RBBP4: variants seen among roughly 807,000 people sequenced by gnomAD.
RBBP4 encodes the protein histone-binding protein RBBP4.
In RBBP4, 3 loss-of-function variants were observed where a neutral mutation model predicts 57.2. The observed-to-expected ratio is 0.05, with a 90% confidence interval of 0.02 to 0.14. The LOEUF (loss-of-function observed/expected upper bound fraction) is 0.14, where lower values mean the gene tolerates loss of function less well. Among genes scored for constraint, RBBP4 ranks in the 10% least tolerant of loss-of-function variants. The probability of loss-of-function intolerance (pLI) is 1.00; values close to 1 mark genes in which losing one functional copy is unlikely to be tolerated. For synonymous variants in RBBP4, 151 were observed against 171.5 expected, an observed-to-expected ratio of 0.88 and a Z score of 0.93; for missense variants, 107 against 520.6, an observed-to-expected ratio of 0.21 and a Z score of 7.73.
At position 32,684,648 on chromosome 1, in the gene RBBP4, A is replaced by G. The variant is rs560341325; in HGVS notation, c.*4943A>G. The G allele has an allele frequency of 4.7e-6, 2 of 421,322 alleles. No individual in the cohort carries two copies. Among genetic ancestry groups the G allele is most frequent in the East Asian group, 4.9e-5 (1 of 20,328 alleles). The allele number at this position is 421,322 out of a possible 1,614,324, so 26.1% of individuals were successfully genotyped here. A position where few individuals can be genotyped will look rare whatever the true frequency, so the allele number is the denominator to read the frequency against. On this transcript the variant is annotated 3_prime_UTR_variant, in exon 12 of 12. Coordinates refer to ENST00000373493, the MANE Select transcript of RBBP4 (RefSeq NM_005610.3). ...ATAGAATCCTGGGAGGGTGATTGGG[A>G]CTTTTTAGTATTACAACCTTAGTGT...
chr1:32,669,615 G>A lies in RBBP4; in HGVS notation c.966+52G>A, dbSNP rs1570859472. On this transcript the variant is annotated intron_variant, in intron 8 of 11. Transcript: ENST00000373493. The surrounding 1 kb of genome is among the most constrained non-coding windows in gnomAD (Gnocchi z 4.9). ...GTTTGTTTTAAGAAAAACCTGCTGG[G>A]CGCGGTCGCTCACGCCTGTAATCCC... 3.2e-6 allele frequency: 5 copies of A among 1,566,842 alleles called. No homozygotes were observed. The East Asian group carries it at 1.1e-4, about 35-fold the overall frequency.
intron 4 of RBBP4, 84 bp downstream of exon 4, chr1:32,668,482 C>A: frequency 1.5e-6 from 2 of 1,324,186 alleles, no homozygotes; most frequent in Non-Finnish European, 2.1e-6. Flanking sequence ...TTGCATGTTA[C>A]TCTGTGTAAT....
At chr1:32,673,128 C>G (rs1648943697) in intron 11 of RBBP4, among the ~76,000 whole-genome samples, 1 of 152,090 alleles carries the variant, frequency 6.6e-6, no homozygotes, top group Non-Finnish European at 1.5e-5. Flanking sequence ...CTCTCTCCCA[C>G]TTCTCCTTTT....
chr1:32,671,714 C>T (rs1200021557), intron 8 of RBBP4, among the ~76,000 whole-genome samples: 2 of 149,430 alleles, frequency 1.3e-5, no homozygotes, highest in Non-Finnish European at 1.5e-5. Flanking sequence ...TTGATACCAG[C>T]CTAACCCCAT....
Position 32,683,245 on chromosome 1 carries a change from A to G in RBBP4, c.*3540A>G, listed in dbSNP as rs1649565962. 7.0e-6 allele frequency: 1 copy of G among 142,588 alleles called. No homozygotes were observed. Among genetic ancestry groups the G allele is most frequent in the Admixed American group, 7.4e-5 (1 of 13,522 alleles). The allele number at this position is 142,588 out of a possible 1,614,324, so 8.8% of individuals were successfully genotyped here. A position where few individuals can be genotyped will look rare whatever the true frequency, so the allele number is the denominator to read the frequency against. ...CACGCCACTGCACTCCAGCCTGGCA[A>G]CAGAGCAAGACTCCGTCTCAAAAAA... is the stretch of plus-strand genomic sequence containing the variant. On this transcript the variant is annotated 3_prime_UTR_variant, in exon 12 of 12. Coordinates refer to ENST00000373493, the MANE Select transcript of RBBP4 (RefSeq NM_005610.3).
At chr1:32,653,872 A>T (rs1648020186) in intron 2 of RBBP4, among the ~76,000 whole-genome samples, 1 of 151,512 alleles carries the variant, frequency 6.6e-6, no homozygotes, top group African/African-American at 2.4e-5. Flanking sequence ...GTTAGCCAGG[A>T]TGGTCTCAAT....
chr1:32,668,135 GA>G (rs1230615110), intron 3 of RBBP4, 89 bp from the exon 4 acceptor site: 25 of 1,261,014 alleles, frequency 2.0e-5, no homozygotes, highest in Admixed American at 5.4e-5. Flanking sequence ...TGTTGCTAAG[GA>G]AAAAAAATCC....
At chr1:32,653,379 T>C (rs1438941299) in intron 2 of RBBP4, among the ~76,000 whole-genome samples, 1 of 152,190 alleles carries the variant, frequency 6.6e-6, no homozygotes, top group Non-Finnish European at 1.5e-5. Flanking sequence ...TCAAAAGCGA[T>C]TGTATGCTAA....
At position 32,672,432 on chromosome 1, in the gene RBBP4, C is replaced by T. The variant is rs769038505; in HGVS notation, c.967-18C>T. ...TTCTAATTCATGGCTTTGCTCTTTT[C>T]TTCATTCCTATGTGTAGGTTCAGTG... On this transcript the variant is annotated intron_variant, in intron 8 of 11. Coordinates refer to ENST00000373493, the MANE Select transcript of RBBP4 (RefSeq NM_005610.3). The T allele has an allele frequency of 6.5e-7, 1 of 1,546,876 alleles. No individual in the cohort carries two copies. Among genetic ancestry groups the T allele is most frequent in the South Asian group, 1.2e-5 (1 of 84,080 alleles).
intron 11 of RBBP4, among the ~76,000 whole-genome samples, chr1:32,679,212 G>A (rs1393196171): frequency 1.3e-5 from 2 of 152,160 alleles, no homozygotes; most frequent in African/African-American, 4.8e-5. Flanking sequence ...CAGGAGAATT[G>A]CTTGAACCTG....
chr1:32,662,548 G>C (rs1648469921), intron 3 of RBBP4, among the ~76,000 whole-genome samples: 1 of 151,544 alleles, frequency 6.6e-6, no homozygotes. Context: ...GGCTAATTTT[G>C]TATTTTTTGT....
chr1:32,678,941 G>A (rs1764897), intron 11 of RBBP4, among the ~76,000 whole-genome samples: 125,960 of 152,008 alleles, frequency 0.83, 54,683 homozygotes, highest in Non-Finnish European at 0.96. Context: ...TGGATATACC[G>A]TGTATCCATT....
chr1:32,651,672 C>T (rs1041541206), intron 1 of RBBP4: 3 of 731,932 alleles, frequency 4.1e-6, no homozygotes, highest in South Asian at 2.3e-5. Context: ...TCGGCGCGCA[C>T]GAGCGTGCTC....
chr1:32,658,508 A>G (rs1648242743), intron 3 of RBBP4, among the ~76,000 whole-genome samples: 1 of 151,796 alleles, frequency 6.6e-6, no homozygotes. Flanking sequence ...TTTAGGCCAT[A>G]ACCTAAGGGT....
chr1:32,680,434 G>A lies in RBBP4; in HGVS notation c.*729G>A. 1 of 1,459,546 alleles carries A rather than the reference G, an allele frequency of 6.9e-7. No homozygotes were observed. Among genetic ancestry groups the A allele is most frequent in the East Asian group, 2.8e-5 (1 of 36,008 alleles). The allele number at this position is 1,459,546 out of a possible 1,614,324, so 90.4% of individuals were successfully genotyped here. A position where few individuals can be genotyped will look rare whatever the true frequency, so the allele number is the denominator to read the frequency against. ...TTTTTACCTGACAGTTATACCACAG[G>A]TAGACTGTCAAGTTGAGAAGAGTGA... On this transcript the variant is annotated 3_prime_UTR_variant, in exon 12 of 12. Transcript: ENST00000373493.
intron 8 of RBBP4, among the ~76,000 whole-genome samples, chr1:32,670,997 A>G (rs1648851723): frequency 6.6e-6 from 1 of 152,140 alleles, no homozygotes; most frequent in African/African-American, 2.4e-5. Flanking sequence ...ACAGAATCCA[A>G]ATTCTTCCTT....
Position 32,669,115 on chromosome 1 carries a change from T to C in RBBP4, c.744T>C (p.Asp248=). The change falls in exon 6 of 12, where the codon GAT becomes GAC. Residue 248 remains aspartate, a synonymous_variant. Transcript: ENST00000373493. The surrounding 1 kb of genome is among the most constrained non-coding windows in gnomAD (Gnocchi z 4.9). ...LHESLFGSVA[D]DQKLMIWDTR... ...AGTCTCTGTTTGGGTCAGTTGCTGA[T>C]GATCAGAAACTTATGATGTGAGTAG... The C allele has an allele frequency of 2.5e-6, 4 of 1,614,216 alleles. No homozygotes were observed. Among genetic ancestry groups the C allele is most frequent in the South Asian group, 1.1e-5 (1 of 91,088 alleles).
Position 32,683,414 on chromosome 1 carries a change from T to A in RBBP4, c.*3709T>A, listed in dbSNP as rs1319863967. The A allele has an allele frequency of 6.6e-6, 1 of 152,254 alleles. No homozygotes were observed. Among genetic ancestry groups the A allele is most frequent in the African/African-American group, 2.4e-5 (1 of 41,436 alleles). 9.4% of individuals were successfully genotyped at this position (152,254 alleles called of 1,614,324 possible). A position where few individuals can be genotyped will look rare whatever the true frequency, so the allele number is the denominator to read the frequency against. Reference sequence around the variant, plus strand: ...AGCACAACTGCTTTCTCTGCTATTATAAGGAAAACTGAGAATAGCAGGTGG... The same window carrying A: ...AGCACAACTGCTTTCTCTGCTATTAAAAGGAAAACTGAGAATAGCAGGTGG... On this transcript the variant is annotated 3_prime_UTR_variant, in exon 12 of 12. Transcript: ENST00000373493.
intron 3 of RBBP4, among the ~76,000 whole-genome samples, chr1:32,667,320 A>T (rs897928864): frequency 6.6e-6 from 1 of 152,224 alleles, no homozygotes; most frequent in East Asian, 1.9e-4. Context: ...TGATAAGTGC[A>T]TAGAAGAAAA....
Sources: gnomAD v4.1 joint callset for allele counts (sites outside exome capture counted in the v4.1 genomes callset) on GRCh38, gnomAD v4.1.1 for gene constraint, Gnocchi (gnomAD v3.1) non-coding constraint, MANE v1.5 for transcripts, NCBI Gene and HGNC (gene_info 2026-07-23, HGNC 2026-07-21) for gene names.